The following LY6S variants were observed in gnomAD, a reference collection of about 807,000 sequenced individuals.
The protein encoded by LY6S is lymphocyte antigen 6S.
At chr8:143,047,394 G>A in the LY6S span, among the ~76,000 whole-genome samples, 6 of 151,602 alleles carry the variant, frequency 4.0e-5, no homozygotes, top group African/African-American at 9.7e-5. Flanking sequence ...TGCCTGCCTC[G>A]GCCTCCCAAA....
the LY6S span, among the ~76,000 whole-genome samples, chr8:143,051,388 A>G: frequency 8.3e-4 from 126 of 152,112 alleles, 1 homozygote; most frequent in African/African-American, 3.0e-3. Context: ...TAAAAATACA[A>G]AAATTAGCTG....
chr8:143,067,184 A>G, the LY6S span, among the ~76,000 whole-genome samples: 5 of 152,206 alleles, frequency 3.3e-5, no homozygotes, highest in African/African-American at 4.8e-5. Flanking sequence ...AGAAAGAGAG[A>G]TCAGATTGTT....
At chr8:143,075,932 T>G in the LY6S span, among the ~76,000 whole-genome samples, 1 of 152,224 alleles carries the variant, frequency 6.6e-6, no homozygotes, top group Non-Finnish European at 1.5e-5. This position sits in a 1 kb window ranked among gnomAD's most constrained non-coding sequence, Gnocchi z 4.1. Context: ...ATGCTTTTGT[T>G]ATGAACGTCT....
chr8:143,048,353 C>G, the LY6S span, among the ~76,000 whole-genome samples: 1 of 152,222 alleles, frequency 6.6e-6, no homozygotes, highest in Non-Finnish European at 1.5e-5. Context: ...TGGTTTCACG[C>G]CTTTCTGGCC....
At chr8:143,070,483 ATATATATT>A in the LY6S span, among the ~76,000 whole-genome samples, 17 of 85,962 alleles carry the variant, frequency 2.0e-4, 1 homozygote, top group African/African-American at 5.8e-4. Context: ...ATAAATATAT[ATATATATT>A]TTTTTTTTTT....
chr8:143,051,984 G>GA, the LY6S span, among the ~76,000 whole-genome samples: 16 of 144,090 alleles, frequency 1.1e-4, no homozygotes, highest in African/African-American at 3.8e-4. Flanking sequence ...AAAAAAAAAA[G>GA]AAAAGAAAAG....
At chr8:143,044,392 C>A in the LY6S span, among the ~76,000 whole-genome samples, 1 of 152,096 alleles carries the variant, frequency 6.6e-6, no homozygotes, top group African/African-American at 2.4e-5. Flanking sequence ...TAATGAGGGC[C>A]CTGTGGGCGC....
At chr8:143,043,350 CG>C in the LY6S span, 2 of 906,626 alleles carry the variant, frequency 2.2e-6, no homozygotes, top group Non-Finnish European at 3.0e-6. Flanking sequence ...TGCGAGAGAG[CG>C]GGGTGGGGGA....
the LY6S span, chr8:143,044,771 C>T: frequency 7.3e-7 from 1 of 1,367,400 alleles, no homozygotes; most frequent in African/African-American, 1.5e-5. Context: ...TCCAAGACCG[C>T]CAAGCATCTG....
At chr8:143,060,189 A>G in the LY6S span, among the ~76,000 whole-genome samples, 2 of 150,892 alleles carry the variant, frequency 1.3e-5, no homozygotes, top group African/African-American at 4.8e-5. Flanking sequence ...CGGTAGTGCC[A>G]GTGCCTGGAA....
At chr8:143,076,265 GGAGT>G in the LY6S span, among the ~76,000 whole-genome samples, 1 of 152,200 alleles carries the variant, frequency 6.6e-6, no homozygotes, top group African/African-American at 2.4e-5. Context: ...TCAGGCACAG[GGAGT>G]GAGGGGCCAG....
chr8:143,053,096 G>A, the LY6S span: 1 of 152,188 alleles, frequency 6.6e-6, no homozygotes, highest in Admixed American at 6.5e-5. Context: ...TTCCCCAGCA[G>A]ATCAACTTCT....
the LY6S span, among the ~76,000 whole-genome samples, chr8:143,068,019 CCT>C: frequency 6.6e-6 from 1 of 152,210 alleles, no homozygotes. Flanking sequence ...CACTACTCCT[CCT>C]CAGCACAGAC....
the LY6S span, among the ~76,000 whole-genome samples, chr8:143,068,104 TG>T: frequency 2.0e-5 from 3 of 152,162 alleles, no homozygotes; most frequent in Admixed American, 6.5e-5. Context: ...GCTGTCTCAG[TG>T]GGGGGAAACC....
chr8:143,042,878 G>A, the LY6S span: 1 of 577,408 alleles, frequency 1.7e-6, no homozygotes, highest in Non-Finnish European at 3.0e-6. Context: ...TCTGAAAAAA[G>A]TGGTGTTGTT....
chr8:143,055,445 C>T, the LY6S span, among the ~76,000 whole-genome samples: 4 of 152,032 alleles, frequency 2.6e-5, no homozygotes, highest in Non-Finnish European at 5.9e-5. Flanking sequence ...AAAGCACATA[C>T]GATTAACATT....
chr8:143,055,749 C>T, the LY6S span, among the ~76,000 whole-genome samples: 1 of 152,150 alleles, frequency 6.6e-6, no homozygotes, highest in Non-Finnish European at 1.5e-5. Flanking sequence ...AAGACGCCAT[C>T]GGGCTTTTCC....
At chr8:143,067,918 G>A in the LY6S span, among the ~76,000 whole-genome samples, 1 of 152,194 alleles carries the variant, frequency 6.6e-6, no homozygotes, top group Non-Finnish European at 1.5e-5. Flanking sequence ...AGAACTAACG[G>A]TCAGCTTTAC....
the LY6S span, among the ~76,000 whole-genome samples, chr8:143,073,922 T>C: frequency 6.7e-6 from 1 of 150,048 alleles, no homozygotes; most frequent in Non-Finnish European, 1.5e-5. Flanking sequence ...GGTCCCTGTT[T>C]GAGGAGACAG....
Sources: gnomAD v4.1 joint callset for allele counts (sites outside exome capture counted in the v4.1 genomes callset) on GRCh38, gnomAD v4.1.1 for gene constraint, Gnocchi (gnomAD v3.1) non-coding constraint, MANE v1.5 for transcripts, NCBI Gene and HGNC (gene_info 2026-07-23, HGNC 2026-07-21) for gene names.